HIVEP1: variants seen among roughly 807,000 people sequenced by gnomAD.
HIVEP1 encodes zinc finger protein 40.
Under a neutral mutation model 180.0 loss-of-function variants are expected in HIVEP1, and 36 were observed. That is an observed-to-expected ratio of 0.20 (90% CI 0.15 to 0.26). The LOEUF (loss-of-function observed/expected upper bound fraction) is 0.26, where lower values mean the gene tolerates loss of function less well. HIVEP1 is among the 10% of genes least tolerant of loss of function. The pLI is 1.00. For synonymous variants in HIVEP1, 1,239 were observed against 1,239.0 expected (o/e 1.00, Z 0.00); for missense variants, 3,143 against 3,268.7 (o/e 0.96, Z 0.94).
At chr6:12,155,748 C>T (rs1435894893) in intron 7 of HIVEP1, among the ~76,000 whole-genome samples, 1 of 152,048 alleles carries the variant, frequency 6.6e-6, no homozygotes, top group Non-Finnish European at 1.5e-5. Flanking sequence ...GATTTCTGTT[C>T]CTTTGGGTAT....
the HIVEP1 span, among the ~76,000 whole-genome samples, chr6:12,200,394 G>A: frequency 1.3e-5 from 2 of 152,232 alleles, no homozygotes; most frequent in Non-Finnish European, 2.9e-5. Context: ...GCCCTGCTCT[G>A]CAGGCGCAGT....
At chr6:12,009,894 G>A (rs748323235), upstream of HIVEP1, among the ~76,000 whole-genome samples, 13 of 152,200 alleles carry the variant, frequency 8.5e-5, no homozygotes, top group Non-Finnish European at 1.0e-4. Context: ...TAGAAAGTTC[G>A]TAGTAATGCT....
chr6:12,082,660 A>C (rs1041855811), intron 2 of HIVEP1, among the ~76,000 whole-genome samples: 1 of 152,088 alleles, frequency 6.6e-6, no homozygotes, highest in African/African-American at 2.4e-5. Context: ...GTTCTCAATG[A>C]ACTTGCCTCT....
intron 3 of HIVEP1, among the ~76,000 whole-genome samples, chr6:12,118,145 T>TG (rs1353455556): frequency 2.0e-5 from 3 of 151,898 alleles, no homozygotes; most frequent in South Asian, 2.1e-4. Context: ...CCTTTTGTTT[T>TG]TTTTTTTATT....
intron 4 of HIVEP1, among the ~76,000 whole-genome samples, chr6:12,127,560 T>C (rs1040999920): frequency 2.0e-5 from 3 of 152,206 alleles, no homozygotes; most frequent in Non-Finnish European, 4.4e-5. Context: ...GAGCTCTGGA[T>C]GGAAGTGTGT....
chr6:12,029,679 G>A (rs1403105386), intron 2 of HIVEP1, among the ~76,000 whole-genome samples: 1 of 151,890 alleles, frequency 6.6e-6, no homozygotes, highest in Non-Finnish European at 1.5e-5. Flanking sequence ...CTGAACTCTG[G>A]TAAAATATAG....
chr6:12,021,025 G>A (rs528069206), intron 2 of HIVEP1, among the ~76,000 whole-genome samples: 110 of 151,784 alleles, frequency 7.2e-4, no homozygotes, highest in African/African-American at 2.6e-3. Context: ...CAAGTAGCTG[G>A]GACTATAGGC....
the HIVEP1 span, among the ~76,000 whole-genome samples, chr6:12,177,892 G>T: frequency 4.6e-4 from 70 of 152,132 alleles, no homozygotes; most frequent in Admixed American, 2.4e-3. Flanking sequence ...ATATTTAAAA[G>T]AATTTGATTA....
chr6:12,081,579 G>A (rs1209828157), intron 2 of HIVEP1, among the ~76,000 whole-genome samples: 1 of 151,890 alleles, frequency 6.6e-6, no homozygotes, highest in African/African-American at 2.4e-5. Flanking sequence ...ACCAATGCTC[G>A]GCCTGGACTC....
chr6:12,116,289 A>G (rs1465413819), intron 3 of HIVEP1, among the ~76,000 whole-genome samples: 2 of 151,830 alleles, frequency 1.3e-5, no homozygotes, highest in African/African-American at 2.4e-5. Context: ...GCTGCCTTCC[A>G]CTCTAGGGCC....
rs1253673359 is a variant in HIVEP1 at position 12,120,141 on chromosome 6, C to T, written c.346C>T (p.Pro116Ser). The change falls in exon 4 of 9, where the codon CCT becomes TCT. Residue 116 changes from proline (P) to serine (S), a missense_variant. Physicochemically the swap from Pro to Ser is moderately conservative, Grantham distance 74. Coordinates refer to ENST00000379388, the MANE Select transcript of HIVEP1 (RefSeq NM_002114.4). The stretch of plus-strand genomic sequence containing the variant: ...GTTTACCAAACAAAATGGAGAAACA[C>T]CTGGAATAATTGCTGAAGCCTCAAA... ...KQFTKQNGET[P>S]GIIAEASKSE... 6.2e-7 allele frequency: 1 copy of T among 1,614,012 alleles called. No homozygotes were observed. Among genetic ancestry groups the T allele is most frequent in the Admixed American group, 1.7e-5 (1 of 60,000 alleles).
At chr6:12,210,306 A>C in the HIVEP1 span, among the ~76,000 whole-genome samples, 1 of 151,894 alleles carries the variant, frequency 6.6e-6, no homozygotes, top group Non-Finnish European at 1.5e-5. Flanking sequence ...CCGTCCAAAC[A>C]CTCCCTACGT....
In HIVEP1 at chr6:12,124,913, T is replaced by C. The variant is rs767532614; in HGVS notation, c.5118T>C (p.Cys1706=). 3.7e-6 allele frequency: 6 copies of C among 1,614,010 alleles called. No homozygotes were observed. The South Asian group carries it at 6.6e-5, about 18-fold the overall frequency. The change falls in exon 4 of 9, where the codon TGT becomes TGC. Residue 1706 remains cysteine, a synonymous_variant. Coordinates refer to ENST00000379388, the MANE Select transcript of HIVEP1 (RefSeq NM_002114.4). ...CAAACCCAGAGAAGGAATTTCTATGTGAAAATGTTTTTTCAGAGATGAGCC... is the reference window on the plus strand; with the variant it reads ...CAAACCCAGAGAAGGAATTTCTATGCGAAAATGTTTTTTCAGAGATGAGCC... ...ALPNPEKEFL[C]ENVFSEMSQN...
chr6:12,011,467 C>T (rs1393130471), upstream of HIVEP1, among the ~76,000 whole-genome samples: 1 of 151,270 alleles, frequency 6.6e-6, no homozygotes, highest in African/African-American at 2.4e-5. Flanking sequence ...CAGGCCTTCC[C>T]GGGGCCGCGT....
the HIVEP1 span, among the ~76,000 whole-genome samples, chr6:12,199,485 C>T: frequency 9.9e-5 from 15 of 151,594 alleles, no homozygotes; most frequent in Middle Eastern, 3.4e-3. Flanking sequence ...CCTCAGCCTC[C>T]GGAGTAGCTG....
At chr6:12,131,974 T>C (rs951542850) in intron 6 of HIVEP1, among the ~76,000 whole-genome samples, 14 of 152,150 alleles carry the variant, frequency 9.2e-5, no homozygotes, top group Admixed American at 6.5e-4. Flanking sequence ...GAGTTATAAC[T>C]TGTAACAACT....
At chr6:12,035,750 C>T (rs1383137974) in intron 2 of HIVEP1, among the ~76,000 whole-genome samples, 2 of 151,894 alleles carry the variant, frequency 1.3e-5, no homozygotes, top group East Asian at 1.9e-4. Context: ...CATACATTTT[C>T]GAGTAGATAT....
At chr6:12,181,048 T>C in the HIVEP1 span, among the ~76,000 whole-genome samples, 1 of 152,218 alleles carries the variant, frequency 6.6e-6, no homozygotes, top group Non-Finnish European at 1.5e-5. Flanking sequence ...CATATGTTTA[T>C]TTTTTGTAAC....
At chr6:12,023,590 A>G (rs1212849280) in intron 2 of HIVEP1, among the ~76,000 whole-genome samples, 1 of 152,228 alleles carries the variant, frequency 6.6e-6, no homozygotes, top group African/African-American at 2.4e-5. Context: ...GATCATGTAG[A>G]TAGCTGACAG....
Sources: allele counts gnomAD v4.1 joint callset (sites outside exome capture counted in the v4.1 genomes callset), GRCh38; gene constraint gnomAD v4.1.1; transcripts MANE v1.5; gene names NCBI Gene and HGNC (gene_info 2026-07-23, HGNC 2026-07-21).